The following RREB1 variants were observed in gnomAD, a reference collection of about 807,000 sequenced individuals.
RREB1 encodes the protein ras-responsive element-binding protein 1.
In RREB1, 27 loss-of-function variants were observed where a neutral mutation model predicts 117.8. The ratio of observed to expected loss-of-function variants is 0.23; its 90% CI spans 0.17 to 0.32. The LOEUF (loss-of-function observed/expected upper bound fraction) is 0.32. Ranked by LOEUF, RREB1 falls within the 10% of genes least tolerant of loss-of-function variation. The pLI, the probability that RREB1 is intolerant of heterozygous loss-of-function variation, is 1.00. For synonymous variants in RREB1, 1,298 were observed against 1,026.7 expected, an observed-to-expected ratio of 1.26 and a Z score of -5.05; for missense variants, 2,577 against 2,378.2, an observed-to-expected ratio of 1.08 and a Z score of -1.74.
At chr6:7,157,403 C>T (rs955132371) in intron 1 of RREB1, among the ~76,000 whole-genome samples, 3 of 150,968 alleles carry the variant, frequency 2.0e-5, no homozygotes, top group Admixed American at 6.6e-5. Flanking sequence ...AGCTGCACTC[C>T]AGCCTGGGCA....
At chr6:7,166,488 C>T (rs2113480680) in intron 1 of RREB1, among the ~76,000 whole-genome samples, 1 of 152,292 alleles carries the variant, frequency 6.6e-6, no homozygotes, top group East Asian at 1.9e-4. Context: ...TGGCGGAGGG[C>T]AGCCCATGCA....
intron 1 of RREB1, among the ~76,000 whole-genome samples, chr6:7,170,016 A>G (rs1049894271): frequency 2.6e-5 from 4 of 152,236 alleles, no homozygotes; most frequent in Non-Finnish European, 4.4e-5. Flanking sequence ...TGCTTCCTGC[A>G]TGGAACCTAT....
At chr6:7,212,209 A>G (rs1171990844) in intron 8 of RREB1, 1 of 154,426 alleles carries the variant, frequency 6.5e-6, no homozygotes, top group East Asian at 1.9e-4. Flanking sequence ...GGGGTCAGAG[A>G]AAGTTCTACT....
chr6:7,152,377 T>C (rs532650280), intron 1 of RREB1, among the ~76,000 whole-genome samples: 1 of 152,238 alleles, frequency 6.6e-6, no homozygotes. Flanking sequence ...GTTTTCATTA[T>C]TGTTAATTGA....
At chr6:7,187,642 C>T (rs73719068) in intron 5 of RREB1, 119 bp downstream of exon 5, 1 of 409,460 alleles carries the variant, frequency 2.4e-6, no homozygotes, top group Non-Finnish European at 3.9e-6. Flanking sequence ...GAGTTAAACA[C>T]TCACTGTGAG....
In RREB1 at chr6:7,232,204, G is replaced by A. The variant is rs1041159711; in HGVS notation, c.3808+297G>A. Among the ~76,000 whole-genome samples, 7 of 152,152 alleles carry A rather than the reference G, an allele frequency of 4.6e-5. No homozygotes were observed. The East Asian group carries it at 5.8e-4, about 13-fold the overall frequency. On this transcript the variant is annotated intron_variant, in intron 10 of 12. Coordinates refer to ENST00000379938, the MANE Select transcript of RREB1 (RefSeq NM_001003699.4). Reference sequence around the variant, plus strand: ...AGGCCCTCAGATCACTCATGGCGTCGCCTCATCCCTTCCGGAGGTGGTAGC... The same window carrying A: ...AGGCCCTCAGATCACTCATGGCGTCACCTCATCCCTTCCGGAGGTGGTAGC...
rs1161743326 is a variant in RREB1 at position 7,230,957 on chromosome 6, C to T, written c.2858C>T (p.Pro953Leu). The change falls in exon 10 of 13, where the codon CCC (proline) becomes CTC (leucine). Residue 953 changes from proline to leucine, a missense_variant. Transcript: ENST00000379938. Reference protein sequence around the residue: ...FRKGDKDLATPSEAKKPEEEA... With the variant: ...FRKGDKDLATLSEAKKPEEEA... ...AAAGGGGACAAGGATTTGGCCACTC[C>T]CAGCGAAGCCAAGAAGCCTGAGGAG... 1.2e-6 allele frequency: 2 copies of T among 1,614,036 alleles called. No individual in the cohort carries two copies. The highest frequency in any genetic ancestry group is 1.7e-6 in the Non-Finnish European group (2 of 1,179,934).
chr6:7,230,782 G>A lies in RREB1; in HGVS notation c.2683G>A (p.Asp895Asn). The A allele has an allele frequency of 3.1e-6, 5 of 1,613,456 alleles. No homozygotes were observed. Among genetic ancestry groups the A allele is most frequent in the Non-Finnish European group, 3.4e-6 (4 of 1,179,548 alleles). Residue 895 changes from aspartate (D) to asparagine (N), a missense_variant, in exon 10 of 13, where the codon GAC becomes AAC. Transcript: ENST00000379938. ...GGAGCCCGCCAGTAGCTTTGCGGTG[G>A]ACTTCAATGAGCCCCTGGACTTCTC... ...KLEPASSFAV[D>N]FNEPLDFSQK...
At chr6:7,147,360 A>T (rs1762915982) in intron 1 of RREB1, among the ~76,000 whole-genome samples, 1 of 152,158 alleles carries the variant, frequency 6.6e-6, no homozygotes, top group Non-Finnish European at 1.5e-5. Flanking sequence ...TGGTTCAGAA[A>T]AGAGGTCTTC....
At chr6:7,226,384 C>A in intron 8 of RREB1, 83 bp from the exon 9 acceptor site, 3 of 1,003,172 alleles carry the variant, frequency 3.0e-6, no homozygotes, top group Non-Finnish European at 4.2e-6. Flanking sequence ...AAACTTAAGT[C>A]TGGAAGAGTG....
intron 1 of RREB1, among the ~76,000 whole-genome samples, chr6:7,156,447 C>T (rs1029626529): frequency 1.3e-5 from 2 of 152,176 alleles, no homozygotes; most frequent in African/African-American, 4.8e-5. Context: ...AACACTGTGC[C>T]CTTGATGTGC....
intron 9 of RREB1, 145 bp downstream of exon 9, chr6:7,226,801 A>G: frequency 1.5e-6 from 1 of 675,826 alleles, no homozygotes; most frequent in Non-Finnish European, 2.5e-6. Context: ...TTTTTCTTAA[A>G]ATTATTGTTG....
chr6:7,182,873 G>A (rs989147208), intron 4 of RREB1, among the ~76,000 whole-genome samples: 4 of 152,196 alleles, frequency 2.6e-5, no homozygotes, highest in Non-Finnish European at 4.4e-5. Context: ...TTGGAGAGAA[G>A]GTGGTCTTGC....
intron 6 of RREB1, among the ~76,000 whole-genome samples, chr6:7,195,733 C>G (rs139184392): frequency 6.6e-6 from 1 of 152,162 alleles, no homozygotes; most frequent in Non-Finnish European, 1.5e-5. Flanking sequence ...TCTCCAGAGC[C>G]GATGCTAAGC....
At chr6:7,212,797 G>A (rs983270261) in intron 8 of RREB1, 7 of 152,166 alleles carry the variant, frequency 4.6e-5, no homozygotes, top group African/African-American at 1.7e-4. Flanking sequence ...GTCTGAGCAA[G>A]CTGAAGACTT....
At chr6:7,206,794 G>A (rs1460645650) in intron 6 of RREB1, among the ~76,000 whole-genome samples, 2 of 149,884 alleles carry the variant, frequency 1.3e-5, no homozygotes, top group Non-Finnish European at 3.0e-5. Context: ...GGGAAGGTCT[G>A]GGGTGCAGTT....
intron 5 of RREB1, among the ~76,000 whole-genome samples, chr6:7,188,407 C>G (rs377410829): frequency 8.3e-4 from 127 of 152,124 alleles, no homozygotes; most frequent in South Asian, 2.5e-3. Context: ...CCCACCACCA[C>G]GCCCAGCCAA....
chr6:7,172,370 C>T (rs1764256018), intron 1 of RREB1, among the ~76,000 whole-genome samples: 1 of 151,980 alleles, frequency 6.6e-6, no homozygotes, highest in Non-Finnish European at 1.5e-5. Context: ...GCACTTTTGT[C>T]TTGAATGTGG....
chr6:7,137,130 T>C (rs1285879), intron 1 of RREB1, among the ~76,000 whole-genome samples: 100,695 of 152,130 alleles, frequency 0.66, 35,119 homozygotes, highest in Middle Eastern at 0.81. Flanking sequence ...CCAGAGCTAA[T>C]TCGTCACATC....
Sources: gnomAD v4.1 joint callset for allele counts (sites outside exome capture counted in the v4.1 genomes callset) on GRCh38, gnomAD v4.1.1 for gene constraint, MANE v1.5 for transcripts, NCBI Gene and HGNC (gene_info 2026-07-23, HGNC 2026-07-21) for gene names.